Variants in CCAR1 observed in about 807,000 individuals in gnomAD.
The protein encoded by CCAR1 is cell division cycle and apoptosis regulator 1.
In CCAR1, 78 loss-of-function variants were observed where a neutral mutation model predicts 163.8. The observed-to-expected ratio is 0.48, with a 90% CI of 0.40 to 0.57. The LOEUF (loss-of-function observed/expected upper bound fraction) is 0.57. CCAR1 is among the 20% of genes least tolerant of loss of function. CCAR1 has a pLI of 0.00. For synonymous variants in CCAR1, 443 were observed against 460.7 expected (o/e 0.96, Z 0.49); for missense variants, 1,019 against 1,365.2 (o/e 0.75, Z 4.00).
At chr10:68,748,525 A>T (rs1177378) in intron 8 of CCAR1, among the ~76,000 whole-genome samples, 2 of 142,172 alleles carry the variant, frequency 1.4e-5, no homozygotes, top group Admixed American at 7.2e-5. Context: ...GTTTCTCTCT[A>T]TCGCCAAGGC....
intron 16 of CCAR1, among the ~76,000 whole-genome samples, chr10:68,764,702 G>A (rs960783181): frequency 9.2e-5 from 14 of 151,952 alleles, no homozygotes; most frequent in Non-Finnish European, 1.9e-4. Flanking sequence ...CTACAGATAG[G>A]GTCAGATACA....
intron 15 of CCAR1, among the ~76,000 whole-genome samples, chr10:68,760,555 T>G (rs1032167653): frequency 6.6e-6 from 1 of 152,230 alleles, no homozygotes; most frequent in African/African-American, 2.4e-5. Context: ...ACAAATGTTC[T>G]TTTCACCACA....
intron 12 of CCAR1, chr10:68,755,069 A>G (rs2056382079): frequency 9.8e-6 from 6 of 612,670 alleles, no homozygotes; most frequent in South Asian, 7.6e-5. Flanking sequence ...ATAGTAGAAT[A>G]TTAGTGGTAA....
At chr10:68,784,650 G>A (rs80173869) in intron 19 of CCAR1, among the ~76,000 whole-genome samples, 2,809 of 152,210 alleles carry the variant, frequency 0.018, 37 homozygotes, top group Non-Finnish European at 0.03. Flanking sequence ...TGGGACCCAA[G>A]TGATCCTCCC....
rs762663903 is a variant in CCAR1, at chr10:68,771,220, G to A, written c.2313G>A (p.Ala771=). 2.7e-5 allele frequency: 43 copies of A among 1,586,256 alleles called. No individual in the cohort carries two copies. The highest frequency in any genetic ancestry group is 2.6e-4 in the South Asian group (22 of 83,866). Residue 771 remains alanine, a synonymous_variant, in exon 18 of 25, where the codon GCG becomes GCA. Coordinates refer to ENST00000265872, the MANE Select transcript of CCAR1 (RefSeq NM_018237.4). ...TCTTTTTATAGGTTTCATTGTTTGC[G>A]GAACTTTTCAACGAAATGCTTCAAA... ...KEHSFEVSLF[A]ELFNEMLQRD...
At chr10:68,788,351 T>C in intron 23 of CCAR1, 23 bp downstream of exon 23, 1 of 1,516,392 alleles carries the variant, frequency 6.6e-7, no homozygotes, top group Non-Finnish European at 8.8e-7. Context: ...TTTGAATATG[T>C]TAATACTTTC....
At chr10:68,737,145 ATG>A (rs2056122341) in intron 3 of CCAR1, 97 bp downstream of exon 3, 3 of 796,970 alleles carry the variant, frequency 3.8e-6, no homozygotes, top group East Asian at 2.7e-5. Flanking sequence ...GTGAAGAATT[ATG>A]TGTTTTTATT....
At chr10:68,779,214 G>C (rs932152115) in intron 19 of CCAR1, among the ~76,000 whole-genome samples, 2 of 151,474 alleles carry the variant, frequency 1.3e-5, no homozygotes, top group African/African-American at 4.9e-5. Flanking sequence ...TGTATTAAAT[G>C]GTGTTGAATT....
Position 68,752,425 on chromosome 10 carries a change from C to T in CCAR1, c.1119-1427C>T, listed in dbSNP as rs189155477. On this transcript the variant is annotated intron_variant, in intron 10 of 24. Coordinates refer to ENST00000265872, the MANE Select transcript of CCAR1 (RefSeq NM_018237.4). Reference sequence around the variant, plus strand: ...TTTTGTTTTATTATAAATTTTACTCCTGTGGGGTAAAACATGACTTCATAA... The same window carrying T: ...TTTTGTTTTATTATAAATTTTACTCTTGTGGGGTAAAACATGACTTCATAA... Among the ~76,000 whole-genome samples, 505 of 152,078 alleles carry T rather than the reference C, an allele frequency of 3.3e-3. 8 individuals are homozygous for T. Among genetic ancestry groups the T allele is most frequent in the Non-Finnish European group, 7.8e-4 (53 of 67,994 alleles).
chr10:68,730,553 G>A (rs2056023200), intron 2 of CCAR1, among the ~76,000 whole-genome samples: 1 of 151,308 alleles, frequency 6.6e-6, no homozygotes, highest in South Asian at 2.1e-4. Flanking sequence ...GGCCAGGATG[G>A]TTTCGATCTC....
intron 8 of CCAR1, 80 bp downstream of exon 8, chr10:68,747,646 G>A (rs1409561397): frequency 3.0e-6 from 4 of 1,323,226 alleles, no homozygotes; most frequent in Non-Finnish European, 4.2e-6. Flanking sequence ...TACAAAAAAA[G>A]GCAGGGATTT....
At chr10:68,723,060 A>C (rs1055980943) in intron 2 of CCAR1, among the ~76,000 whole-genome samples, 1 of 152,136 alleles carries the variant, frequency 6.6e-6, no homozygotes, top group Non-Finnish European at 1.5e-5. Flanking sequence ...GCTGTTTTAC[A>C]TAGTAGTTTG....
rs1338622836 is a variant in CCAR1 at position 68,722,476 on chromosome 10, C to T, written c.-29C>T. The T allele has an allele frequency of 1.9e-6, 3 of 1,587,642 alleles. No homozygotes were observed. The highest frequency in any genetic ancestry group is 2.2e-5 in the East Asian group (1 of 44,740). ...ATAGATCGATGCTATAGAAGACAAACAAGGGAAGGTTTTTTTTCCTTTTGC... is the reference window on the plus strand; with the variant it reads ...ATAGATCGATGCTATAGAAGACAAATAAGGGAAGGTTTTTTTTCCTTTTGC... On this transcript the variant is annotated 5_prime_UTR_variant, in exon 2 of 25. Transcript: ENST00000265872.
intron 17 of CCAR1, among the ~76,000 whole-genome samples, chr10:68,766,589 T>C (rs555623462): frequency 6.8e-4 from 104 of 151,858 alleles, no homozygotes; most frequent in African/African-American, 1.3e-3. Context: ...TGCAGTGATA[T>C]GATATCTGCT....
intron 10 of CCAR1, among the ~76,000 whole-genome samples, chr10:68,752,267 G>T (rs2056342362): frequency 6.6e-6 from 1 of 152,144 alleles, no homozygotes; most frequent in South Asian, 2.1e-4. Flanking sequence ...ACATTAAATG[G>T]ATCTCTTGCA....
chr10:68,736,650 G>A (rs1022080242), intron 2 of CCAR1, among the ~76,000 whole-genome samples: 9 of 151,906 alleles, frequency 5.9e-5, no homozygotes, highest in East Asian at 1.9e-4. Context: ...GCAAATTACC[G>A]GATATTCTTC....
chr10:68,781,345 C>G (rs2056732966), intron 19 of CCAR1, among the ~76,000 whole-genome samples: 1 of 151,954 alleles, frequency 6.6e-6, no homozygotes, highest in Admixed American at 6.6e-5. Flanking sequence ...GAGTTTGAGA[C>G]CAGCATTGCC....
At chr10:68,757,935 G>A (rs2056416342) in intron 15 of CCAR1, among the ~76,000 whole-genome samples, 1 of 151,424 alleles carries the variant, frequency 6.6e-6, no homozygotes, top group Non-Finnish European at 1.5e-5. Context: ...TAGAGATCGG[G>A]TTTCACCGTG....
At chr10:68,758,670 T>TAC (rs1191140891) in intron 15 of CCAR1, among the ~76,000 whole-genome samples, 1 of 10,302 alleles carries the variant, frequency 9.7e-5, no homozygotes, top group Non-Finnish European at 3.6e-4. Context: ...TATGTATATA[T>TAC]ACACACGTGT....
Sources: gnomAD v4.1 joint callset for allele counts (sites outside exome capture counted in the v4.1 genomes callset) on GRCh38, gnomAD v4.1.1 for gene constraint, MANE v1.5 for transcripts, NCBI Gene and HGNC (gene_info 2026-07-23, HGNC 2026-07-21) for gene names.